The following PTCHD4 variants were observed in gnomAD, a reference collection of about 807,000 sequenced individuals.
The protein encoded by PTCHD4 is patched domain containing 4.
PTCHD4 carries 33 observed loss-of-function variants against 58.1 expected under a neutral mutation model. The ratio of observed to expected loss-of-function variants is 0.57; its 90% CI spans 0.43 to 0.76. The LOEUF is 0.76. PTCHD4 is among the 30% of genes least tolerant of loss of function. PTCHD4 has a pLI of 0.00. For missense variants in PTCHD4, 1,058 were observed against 1,027.1 expected (o/e 1.03, Z -0.41); for synonymous variants, 478 against 409.6 (o/e 1.17, Z -2.02).
rs187653576 is a variant in PTCHD4 at position 48,106,332 on chromosome 6, C to T, written c.-970+4717G>A. On this transcript the variant is annotated intron_variant, in intron 1 of 4. Transcript: ENST00000339488. ...CAATAGACGTAATCCAGCATATAAACAGAAACAAAGACACAAACCACATGA... is the reference window on the plus strand; with the variant it reads ...CAATAGACGTAATCCAGCATATAAATAGAAACAAAGACACAAACCACATGA... Among the ~76,000 whole-genome samples, 999 of 152,234 alleles carry T rather than the reference C, an allele frequency of 6.6e-3. 8 individuals carry two copies. The highest frequency in any genetic ancestry group is 0.011 in the Non-Finnish European group (737 of 68,018).
chr6:48,025,244 T>C (rs1442506697), intron 3 of PTCHD4, among the ~76,000 whole-genome samples: 1 of 152,166 alleles, frequency 6.6e-6, no homozygotes, highest in African/African-American at 2.4e-5. Flanking sequence ...GATATCTTAA[T>C]TGAAATGACC....
Position 47,879,269 on chromosome 6 carries a change from CT to C in PTCHD4, c.1565del (p.Glu522GlyfsTer3). The C allele has an allele frequency of 1.2e-6, 2 of 1,612,604 alleles. No individual in the cohort carries two copies. The highest frequency in any genetic ancestry group is 1.7e-6 in the Non-Finnish European group (2 of 1,179,322). ...YSPVIGFYVY[E>X]PLEYWNSSVQ... ...CGCTGCTGTTCCAGTACTCTAGGGG[CT>C]CATAGACGTAGAATCCTATCACAGG... is the stretch of plus-strand genomic sequence containing the variant. On this transcript the variant is annotated frameshift_variant, in exon 5 of 5. Transcript: ENST00000339488. LOFTEE classifies it high-confidence loss of function.
intron 3 of PTCHD4, among the ~76,000 whole-genome samples, chr6:48,046,852 T>C (rs936415364): frequency 6.6e-6 from 1 of 151,950 alleles, no homozygotes; most frequent in African/African-American, 2.4e-5. Context: ...TTGGGGCATA[T>C]TAAAACAATC....
At chr6:48,027,127 T>C (rs1025790914) in intron 3 of PTCHD4, among the ~76,000 whole-genome samples, 10 of 152,138 alleles carry the variant, frequency 6.6e-5, no homozygotes, top group Non-Finnish European at 4.4e-5. Flanking sequence ...ATATGATATG[T>C]ATATGTAATA....
Position 47,866,504 on chromosome 6 carries a change from C to T in PTCHD4, c.*11799G>A, listed in dbSNP as rs529947910. 6.6e-6 allele frequency among the ~76,000 whole-genome samples: 1 copy of T among 151,852 alleles called. No individual in the cohort carries two copies. The highest frequency in any genetic ancestry group is 2.1e-4 in the South Asian group (1 of 4,830). On this transcript the variant is annotated 3_prime_UTR_variant, in exon 5 of 5. Coordinates refer to ENST00000339488, the MANE Select transcript of PTCHD4 (RefSeq NM_001384253.1). Reference sequence around the variant, plus strand: ...GTTTGTTGACCATGGTCTCGTATGGCCACTTGGTTGTTGGATTTATCTCCA... The same window carrying T: ...GTTTGTTGACCATGGTCTCGTATGGTCACTTGGTTGTTGGATTTATCTCCA...
intron 4 of PTCHD4, among the ~76,000 whole-genome samples, chr6:47,894,065 T>C (rs1764458337): frequency 6.6e-6 from 1 of 152,176 alleles, no homozygotes; most frequent in Non-Finnish European, 1.5e-5. Flanking sequence ...CACGGTTGAG[T>C]TGCTGGGCAG....
intron 4 of PTCHD4, among the ~76,000 whole-genome samples, chr6:47,890,381 C>T (rs1320129508): frequency 6.6e-6 from 1 of 152,018 alleles, no homozygotes; most frequent in Non-Finnish European, 1.5e-5. Flanking sequence ...GTAGCAAATT[C>T]CCCCAGAACA....
At chr6:47,927,526 A>T (rs181316763) in intron 4 of PTCHD4, among the ~76,000 whole-genome samples, 40 of 152,288 alleles carry the variant, frequency 2.6e-4, no homozygotes, top group Non-Finnish European at 5.6e-4. Flanking sequence ...TCTAAGTGAT[A>T]CAAGATGTGA....
intron 4 of PTCHD4, among the ~76,000 whole-genome samples, chr6:47,882,562 T>G (rs1228167601): frequency 6.6e-6 from 1 of 151,826 alleles, no homozygotes; most frequent in Non-Finnish European, 1.5e-5. Flanking sequence ...AAGGTAACTC[T>G]TTCACTGCCC....
At position 47,871,078 on chromosome 6, in the gene PTCHD4, A is replaced by G. The variant is rs1232907183; in HGVS notation, c.*7225T>C. On this transcript the variant is annotated 3_prime_UTR_variant, in exon 5 of 5. Coordinates refer to ENST00000339488, the MANE Select transcript of PTCHD4 (RefSeq NM_001384253.1). ...ATTTTGTCTAGCTAGGATTAAGAAC[A>G]AGTGGGTTTTGTTTTAGGAAAGAAA... Among the ~76,000 whole-genome samples, 2 of 151,580 alleles carry G rather than the reference A, an allele frequency of 1.3e-5. No homozygotes were observed. Among genetic ancestry groups the G allele is most frequent in the East Asian group, 3.9e-4 (2 of 5,150 alleles).
In PTCHD4 at chr6:47,871,846, T is replaced by C. The variant is rs1047473875; in HGVS notation, c.*6457A>G. ...AATATGCATAATTAACAGGAAAGTA[T>C]AATAAAGTTGTTGCTTAAACTACTA... is the stretch of plus-strand genomic sequence containing the variant. On this transcript the variant is annotated 3_prime_UTR_variant, in exon 5 of 5. Coordinates refer to ENST00000339488, the MANE Select transcript of PTCHD4 (RefSeq NM_001384253.1). Among the ~76,000 whole-genome samples, 2 of 151,604 alleles carry C rather than the reference T, an allele frequency of 1.3e-5. No homozygotes were observed. Among genetic ancestry groups the C allele is most frequent in the Non-Finnish European group, 1.5e-5 (1 of 67,718 alleles).
At chr6:47,917,282 T>C (rs559394153) in intron 4 of PTCHD4, among the ~76,000 whole-genome samples, 3 of 152,254 alleles carry the variant, frequency 2.0e-5, no homozygotes, top group African/African-American at 7.2e-5. Flanking sequence ...GAAATTCCCA[T>C]GCCACAAAGA....
intron 4 of PTCHD4, among the ~76,000 whole-genome samples, chr6:48,004,101 G>A (rs184957777): frequency 4.5e-4 from 68 of 152,170 alleles, no homozygotes; most frequent in Admixed American, 3.9e-3. Flanking sequence ...GGTTCATGAG[G>A]GTGACAACTT....
Position 47,877,909 on chromosome 6 carries a change from T to C in PTCHD4, c.*394A>G. On this transcript the variant is annotated 3_prime_UTR_variant, in exon 5 of 5. Coordinates refer to ENST00000339488, the MANE Select transcript of PTCHD4 (RefSeq NM_001384253.1). ...CTGTTCAAAAAACAAGCATGAAAAGTGCCATGGCACATTTCCCATGTCTTT... is the reference window on the plus strand; with the variant it reads ...CTGTTCAAAAAACAAGCATGAAAAGCGCCATGGCACATTTCCCATGTCTTT... The C allele has an allele frequency of 6.1e-6, 1 of 162,686 alleles. No individual in the cohort carries two copies. The highest frequency in any genetic ancestry group is 1.3e-5 in the Non-Finnish European group (1 of 75,030). 10.1% of individuals were successfully genotyped at this position (162,686 alleles called of 1,614,324 possible). A position where few individuals can be genotyped will look rare whatever the true frequency, so the allele number is the denominator to read the frequency against.
intron 4 of PTCHD4, among the ~76,000 whole-genome samples, chr6:47,958,495 A>C (rs1766955923): frequency 6.6e-6 from 1 of 152,224 alleles, no homozygotes; most frequent in African/African-American, 2.4e-5. Context: ...CTTCTAGATC[A>C]TTGCCTCGAG....
At chr6:48,107,579 C>G (rs1486962579) in intron 1 of PTCHD4, among the ~76,000 whole-genome samples, 1 of 151,924 alleles carries the variant, frequency 6.6e-6, no homozygotes, top group Non-Finnish European at 1.5e-5. Context: ...GCAATGGCAA[C>G]AAAAGCCAAA....
chr6:47,927,667 A>G (rs1765668548), intron 4 of PTCHD4, among the ~76,000 whole-genome samples: 1 of 152,140 alleles, frequency 6.6e-6, no homozygotes, highest in Non-Finnish European at 1.5e-5. Flanking sequence ...CTCTTCCAGG[A>G]CATTTTATCA....
At chr6:48,043,911 T>C (rs1763940606) in intron 3 of PTCHD4, among the ~76,000 whole-genome samples, 1 of 151,852 alleles carries the variant, frequency 6.6e-6, no homozygotes, top group Non-Finnish European at 1.5e-5. Context: ...AGACCCTTGA[T>C]CCAAAATCTA....
At position 47,994,107 on chromosome 6, in the gene PTCHD4, T is replaced by C. The variant is rs79563631; in HGVS notation, c.898+14527A>G. Among the ~76,000 whole-genome samples, 450 of 152,296 alleles carry C rather than the reference T, an allele frequency of 3.0e-3. 3 individuals are homozygous for C. The highest frequency in any genetic ancestry group is 0.01 in the African/African-American group (424 of 41,556). ...TGACCTGTTTTTCCTTCTACCCTAC[T>C]ATCTTCTGGTGGTGACTTTTATTGG... is the stretch of plus-strand genomic sequence containing the variant. On this transcript the variant is annotated intron_variant, in intron 4 of 4. Coordinates refer to ENST00000339488, the MANE Select transcript of PTCHD4 (RefSeq NM_001384253.1).
Sources: gnomAD v4.1 joint callset for allele counts (sites outside exome capture counted in the v4.1 genomes callset) on GRCh38, gnomAD v4.1.1 for gene constraint, MANE v1.5 for transcripts, NCBI Gene and HGNC (gene_info 2026-07-23, HGNC 2026-07-21) for gene names.